Variants in CABP4 observed in about 807,000 individuals in gnomAD.
CABP4 encodes calcium-binding protein 4.
CABP4 carries 30 observed loss-of-function variants against 30.7 expected under a neutral mutation model. The ratio of observed to expected loss-of-function variants is 0.98; its 90% CI spans 0.73 to 1.33. CABP4 has a LOEUF of 1.33. Ranked by LOEUF, CABP4 falls within the 40% of genes most tolerant of loss-of-function variation. The pLI, the probability that CABP4 is intolerant of heterozygous loss-of-function variation, is 0.00. For synonymous variants in CABP4, 161 were observed against 159.2 expected (o/e 1.01, Z -0.08); for missense variants, 424 against 395.5 (o/e 1.07, Z -0.61).
chr11:67,452,711 ATGGTAGTGTCCATT>A (rs550973757), upstream of CABP4: 90 of 1,571,738 alleles, frequency 5.7e-5, 1 homozygote, highest in African/African-American at 1.1e-3. Context: ...GTCAGCTTCC[ATGGTAGTGTCCATT>A]TGGGGTCCCC....
rs1465923688 is a variant in CABP4 at position 67,459,179 on chromosome 11, C to A, written c.*520C>A. 2 of 152,954 alleles carry A rather than the reference C, an allele frequency of 1.3e-5. No individual in the cohort carries two copies. Among genetic ancestry groups the A allele is most frequent in the Non-Finnish European group, 1.4e-5 (1 of 68,996 alleles). 9.5% of individuals were successfully genotyped at this position (152,954 alleles called of 1,614,324 possible). On this transcript the variant is annotated 3_prime_UTR_variant, in exon 6 of 6. Coordinates refer to ENST00000325656, the MANE Select transcript of CABP4 (RefSeq NM_145200.5). ...GGGCAATATACTGAGACCCCATTCT[C>A]CACAAAAAGGAAAAATAAAAGACAA...
chr11:67,460,986 G>A lies in CABP4; in HGVS notation c.*2327G>A, dbSNP rs11227799. Among the ~76,000 whole-genome samples, 3,303 of 80,094 alleles carry A rather than the reference G, an allele frequency of 0.041. 213 individuals carry two copies. The highest frequency in any genetic ancestry group is 0.23 in the African/African-American group (3,110 of 13,410). 52.5% of individuals were successfully genotyped at this position (80,094 alleles called of 152,430 possible). A position where few individuals can be genotyped will look rare whatever the true frequency, so the allele number is the denominator to read the frequency against. On this transcript the variant is annotated 3_prime_UTR_variant, in exon 6 of 6. Transcript: ENST00000325656. ...GGCTACAGAGCGAGACTCCGTCTCG[G>A]AAAAAAAAAAAAAAAAAGGTCACTG...
intron 4 of CABP4, among the ~76,000 whole-genome samples, chr11:67,458,012 A>C (rs538755569): frequency 6.6e-6 from 1 of 152,194 alleles, no homozygotes. Context: ...CAATCCCAGC[A>C]CTTTGGGAGG....
At position 67,460,917 on chromosome 11, in the gene CABP4, G is replaced by A. The variant is rs563532066; in HGVS notation, c.*2258G>A. On this transcript the variant is annotated 3_prime_UTR_variant, in exon 6 of 6. Coordinates refer to ENST00000325656, the MANE Select transcript of CABP4 (RefSeq NM_145200.5). ...AGAGAATGGCGTGAACCCAGGAGGC[G>A]GAGCTTGCAGTGAGCCGAGATTGCA... Among the ~76,000 whole-genome samples the A allele has an allele frequency of 6.6e-6, 1 of 151,280 alleles. No homozygotes were observed. Among genetic ancestry groups the A allele is most frequent in the East Asian group, 2.0e-4 (1 of 5,122 alleles).
chr11:67,458,325 T>C, intron 4 of CABP4, 46 bp from the exon 5 acceptor site: 1 of 1,549,402 alleles, frequency 6.5e-7, no homozygotes, highest in Non-Finnish European at 8.7e-7. Flanking sequence ...TGGCTGAGGC[T>C]GAGGCAGCTT....
Position 67,458,816 on chromosome 11 carries a change from T to A in CABP4, c.*157T>A. The A allele has an allele frequency of 1.2e-6, 1 of 849,948 alleles. No homozygotes were observed. The highest frequency in any genetic ancestry group is 1.9e-6 in the Non-Finnish European group (1 of 523,596). 52.7% of individuals were successfully genotyped at this position (849,948 alleles called of 1,614,324 possible). Reference sequence around the variant, plus strand: ...AACACCTGGCCTCAATGTTGGCTTGTTATGTTACCTGCCCACCCTCATCCT... The same window carrying A: ...AACACCTGGCCTCAATGTTGGCTTGATATGTTACCTGCCCACCCTCATCCT... On this transcript the variant is annotated 3_prime_UTR_variant, in exon 6 of 6. Coordinates refer to ENST00000325656, the MANE Select transcript of CABP4 (RefSeq NM_145200.5).
upstream of CABP4, chr11:67,452,832 C>T: frequency 1.2e-6 from 1 of 850,102 alleles, no homozygotes; most frequent in South Asian, 1.8e-5. Context: ...CCAGGCAAGT[C>T]ACCATCCCTC....
chr11:67,452,696 C>T (rs749943043), upstream of CABP4: 25 of 1,585,496 alleles, frequency 1.6e-5, no homozygotes, highest in East Asian at 2.2e-4. Flanking sequence ...GCCAGTGGCA[C>T]CCAGGTCAGC....
chr11:67,456,276 G>A (rs368233922), intron 2 of CABP4, 23 bp from the exon 3 acceptor site: 1 of 1,613,616 alleles, frequency 6.2e-7, no homozygotes, highest in African/African-American at 1.3e-5. Context: ...TGGCCACCTG[G>A]GCTTGACCTC....
Position 67,461,156 on chromosome 11 carries a change from G to A in CABP4, c.*2497G>A, listed in dbSNP as rs1865001291. 1.3e-5 allele frequency among the ~76,000 whole-genome samples: 2 copies of A among 152,186 alleles called. No homozygotes were observed. Among genetic ancestry groups the A allele is most frequent in the Non-Finnish European group, 2.9e-5 (2 of 68,050 alleles). On this transcript the variant is annotated 3_prime_UTR_variant, in exon 6 of 6. Coordinates refer to ENST00000325656, the MANE Select transcript of CABP4 (RefSeq NM_145200.5). ...AAAATAATAAAAAAATAAGCTGGGT[G>A]TAGTGGCTCATGCTTGTAGTTCCAG...
In CABP4 at chr11:67,461,001, AAAG is replaced by A. The variant is rs1325178955; in HGVS notation, c.*2343_*2345del. 1.3e-5 allele frequency among the ~76,000 whole-genome samples: 2 copies of A among 151,382 alleles called. No homozygotes were observed. Among genetic ancestry groups the A allele is most frequent in the African/African-American group, 4.9e-5 (2 of 41,116 alleles). The stretch of plus-strand genomic sequence containing the variant: ...CTCCGTCTCGGAAAAAAAAAAAAAA[AAAG>A]GTCACTGGAAGACTGGGTGTGGTGG... On this transcript the variant is annotated 3_prime_UTR_variant, in exon 6 of 6. Coordinates refer to ENST00000325656, the MANE Select transcript of CABP4 (RefSeq NM_145200.5).
chr11:67,455,582 G>T lies in CABP4; in HGVS notation c.159G>T (p.Lys53Asn). 1 of 1,604,536 alleles carries T rather than the reference G, an allele frequency of 6.2e-7. No homozygotes were observed. Reference protein sequence around the residue: ...KKERGLRGSRKRTGSSGEQTG... With the variant: ...KKERGLRGSRNRTGSSGEQTG... ...AGAGGGGGCTCCGAGGGTCTCGAAAGCGCACTGGCAGCTCTGGGGAGCAGA... is the reference window on the plus strand; with the variant it reads ...AGAGGGGGCTCCGAGGGTCTCGAAATCGCACTGGCAGCTCTGGGGAGCAGA... Residue 53 changes from lysine to asparagine, a missense_variant, in exon 1 of 6, where the codon AAG (lysine) becomes AAT (asparagine). Lys to Asn is a moderately conservative substitution (Grantham distance 94). Transcript: ENST00000325656.
chr11:67,458,195 G>A (rs1023599547), intron 4 of CABP4, among the ~76,000 whole-genome samples, 176 bp from the exon 5 acceptor site: 1 of 152,112 alleles, frequency 6.6e-6, no homozygotes, highest in East Asian at 1.9e-4. Flanking sequence ...GGAGGCGAAG[G>A]TTGCAGTGAG....
At position 67,460,710 on chromosome 11, in the gene CABP4, T is replaced by C. The variant is rs1039980270; in HGVS notation, c.*2051T>C. On this transcript the variant is annotated 3_prime_UTR_variant, in exon 6 of 6. Coordinates refer to ENST00000325656, the MANE Select transcript of CABP4 (RefSeq NM_145200.5). Reference sequence around the variant, plus strand: ...TTAAAAGTCACTGGAAGGCTGGGTGTGGTGGCTCACGCCTGTAATCCCAGC... The same window carrying C: ...TTAAAAGTCACTGGAAGGCTGGGTGCGGTGGCTCACGCCTGTAATCCCAGC... 6.6e-6 allele frequency among the ~76,000 whole-genome samples: 1 copy of C among 151,772 alleles called. No individual in the cohort carries two copies. The highest frequency in any genetic ancestry group is 2.1e-4 in the South Asian group (1 of 4,794).
In CABP4 at chr11:67,457,611, A is replaced by AGG; in HGVS notation, c.580_581insGG (p.Ile194ArgfsTer2). ...GGACTTTGAGGAGTTTGTAGAACTG[A>AGG]TAGGCCCAAAGCTGAGGGAGGAGAC... On this transcript the variant is annotated frameshift_variant, in exon 4 of 6. Coordinates refer to ENST00000325656, the MANE Select transcript of CABP4 (RefSeq NM_145200.5). LOFTEE classifies it high-confidence loss of function. 6.2e-7 allele frequency: 1 copy of AGG among 1,605,026 alleles called. No homozygotes were observed. Among genetic ancestry groups the AGG allele is most frequent in the South Asian group, 1.1e-5 (1 of 89,192 alleles).
At chr11:67,453,026 T>TC (rs1321582175), upstream of CABP4, 9 of 299,472 alleles carry the variant, frequency 3.0e-5, no homozygotes, top group Non-Finnish European at 3.7e-5. Context: ...TCTTTTTTTT[T>TC]TTTTGAGAGA....
At chr11:67,452,677 G>A (rs550308484), upstream of CABP4, 102 of 1,600,884 alleles carry the variant, frequency 6.4e-5, 2 homozygotes, top group Admixed American at 1.6e-3. Context: ...GCTCTGTGCG[G>A]GGCCTGTGGC....
chr11:67,456,466 C>A (rs112133784), intron 3 of CABP4, 24 bp downstream of exon 3: 2 of 1,605,312 alleles, frequency 1.2e-6, no homozygotes, highest in South Asian at 1.1e-5. Flanking sequence ...CCCGCCCGCC[C>A]GGGCAGCCTG....
In CABP4 at chr11:67,460,060, C is replaced by T. The variant is rs1247440749; in HGVS notation, c.*1401C>T. On this transcript the variant is annotated 3_prime_UTR_variant, in exon 6 of 6. Transcript: ENST00000325656. ...GGCATCTCAGTGTACATAATACAGCCGCCTAAGAGACCACAAGATACATGC... is the reference window on the plus strand; with the variant it reads ...GGCATCTCAGTGTACATAATACAGCTGCCTAAGAGACCACAAGATACATGC... The T allele has an allele frequency of 1.3e-5, 2 of 152,134 alleles. No homozygotes were observed. The highest frequency in any genetic ancestry group is 2.4e-5 in the African/African-American group (1 of 41,412). The allele number at this position is 152,134 out of a possible 1,614,324, so 9.4% of individuals were successfully genotyped here.
Sources: allele counts gnomAD v4.1 joint callset (sites outside exome capture counted in the v4.1 genomes callset), GRCh38; gene constraint gnomAD v4.1.1; transcripts MANE v1.5; gene names NCBI Gene and HGNC (gene_info 2026-07-23, HGNC 2026-07-21).